Variants in PCDH15 observed in about 807,000 individuals in gnomAD.
PCDH15 encodes protocadherin related 15, also known as protocadherin-15.
In PCDH15, 129 loss-of-function variants were observed where a neutral mutation model predicts 178.5. That is an observed-to-expected ratio of 0.72 (90% CI 0.63 to 0.84). PCDH15 has a LOEUF of 0.84. PCDH15 is among the 40% of genes least tolerant of loss of function. PCDH15 has a pLI of 0.00. For missense variants in PCDH15, 2,230 were observed against 2,099.9 expected (o/e 1.06, Z -1.21); for synonymous variants, 800 against 732.0 (o/e 1.09, Z -1.50).
chr10:55,531,664 C>T (rs1301029434), intron 2 of PCDH15, among the ~76,000 whole-genome samples: 1 of 151,984 alleles, frequency 6.6e-6, no homozygotes, highest in Non-Finnish European at 1.5e-5. Flanking sequence ...GTGGCAGTGA[C>T]TAAAATTATT....
chr10:54,893,754 T>G (rs1024121412), intron 3 of PCDH15, among the ~76,000 whole-genome samples: 2 of 152,116 alleles, frequency 1.3e-5, no homozygotes, highest in Admixed American at 6.6e-5. Context: ...TTCATACTTA[T>G]GACAGATAAA....
At chr10:55,178,139 G>A (rs1839546897) in intron 1 of PCDH15, among the ~76,000 whole-genome samples, 1 of 152,114 alleles carries the variant, frequency 6.6e-6, no homozygotes, top group Non-Finnish European at 1.5e-5. Context: ...ACACCATCAG[G>A]AAATTAACAG....
At chr10:55,471,841 C>G (rs1447318461) in intron 2 of PCDH15, among the ~76,000 whole-genome samples, 2 of 152,150 alleles carry the variant, frequency 1.3e-5, no homozygotes, top group Non-Finnish European at 2.9e-5. Flanking sequence ...CTTTGCCTCT[C>G]CCCTTATATG....
intron 2 of PCDH15, among the ~76,000 whole-genome samples, chr10:55,066,932 A>G (rs918503674): frequency 6.6e-6 from 1 of 152,052 alleles, no homozygotes; most frequent in Non-Finnish European, 1.5e-5. Flanking sequence ...CTAATACACA[A>G]AAATGATAAA....
chr10:54,168,447 G>C (rs1374831260), intron 13 of PCDH15, among the ~76,000 whole-genome samples: 2 of 151,918 alleles, frequency 1.3e-5, no homozygotes, highest in Non-Finnish European at 2.9e-5. Flanking sequence ...TCCTCGCCAG[G>C]CCGAGCTAGG....
chr10:55,233,072 C>CCT (rs34984611), intron 1 of PCDH15, among the ~76,000 whole-genome samples: 1 of 151,654 alleles, frequency 6.6e-6, no homozygotes, highest in Non-Finnish European at 1.5e-5. Flanking sequence ...AATATTGTCT[C>CCT]ATAATTTTCT....
intron 6 of PCDH15, among the ~76,000 whole-genome samples, chr10:54,337,413 AGT>A (rs1941395350): frequency 1.3e-5 from 2 of 152,040 alleles, no homozygotes; most frequent in Non-Finnish European, 2.9e-5. Context: ...ATAATCCCCA[AGT>A]GTTGAGGGAG....
intron 2 of PCDH15, among the ~76,000 whole-genome samples, chr10:55,460,703 G>A (rs1349195896): frequency 6.6e-6 from 1 of 152,036 alleles, no homozygotes; most frequent in Non-Finnish European, 1.5e-5. Flanking sequence ...ACACTACCCT[G>A]AATGCACCCA....
At chr10:55,239,837 A>G (rs1442422007) in intron 1 of PCDH15, among the ~76,000 whole-genome samples, 1 of 152,208 alleles carries the variant, frequency 6.6e-6, no homozygotes, top group African/African-American at 2.4e-5. Context: ...ACTATCTAAT[A>G]GGAAAAAATA....
At chr10:53,828,637 T>C in intron 30 of PCDH15, 64 bp from the exon 31 acceptor site, 1 of 1,250,236 alleles carries the variant, frequency 8.0e-7, no homozygotes, top group South Asian at 1.2e-5. Flanking sequence ...ATTAATAACA[T>C]TTTAACATCT....
At chr10:54,918,849 T>G (rs1837411646) in intron 2 of PCDH15, among the ~76,000 whole-genome samples, 1 of 152,142 alleles carries the variant, frequency 6.6e-6, no homozygotes, top group Non-Finnish European at 1.5e-5. Flanking sequence ...AAGTTAAAAA[T>G]ATCTTAAGTG....
intron 2 of PCDH15, among the ~76,000 whole-genome samples, chr10:55,538,067 C>T (rs942556064): frequency 2.6e-5 from 4 of 152,152 alleles, no homozygotes; most frequent in Non-Finnish European, 5.9e-5. Flanking sequence ...AAATGATAGA[C>T]ATCCAGGATC....
At position 54,867,452 on chromosome 10, in the gene PCDH15, A is replaced by G. The variant is rs540297304; in HGVS notation, c.-29+29998T>C. On this transcript the variant is annotated intron_variant, in intron 3 of 5. Coordinates refer to the PCDH15 transcript ENST00000458638. ...TGTTCTATATTTCACATTATTTTAC[A>G]TTATCTTGACATTATCAACATCATT... is the stretch of plus-strand genomic sequence containing the variant. Among the ~76,000 whole-genome samples the G allele has an allele frequency of 1.2e-4, 18 of 152,246 alleles. No individual in the cohort carries two copies. The South Asian group carries it at 3.7e-3, about 32-fold the overall frequency.
intron 1 of PCDH15, among the ~76,000 whole-genome samples, chr10:54,726,021 G>A (rs532022761): frequency 1.0e-4 from 15 of 148,170 alleles, no homozygotes; most frequent in Non-Finnish European, 1.9e-4. Context: ...AAACCTCAGG[G>A]CATAGCTCTG....
intron 2 of PCDH15, among the ~76,000 whole-genome samples, chr10:55,103,510 T>C (rs1357151174): frequency 1.3e-5 from 2 of 152,196 alleles, no homozygotes; most frequent in Non-Finnish European, 2.9e-5. Flanking sequence ...ATTGGTTTTG[T>C]TGTAAATCCT....
chr10:55,556,435 G>A lies in PCDH15; in HGVS notation c.-156+71190C>T, dbSNP rs541729145. On this transcript the variant is annotated intron_variant, in intron 2 of 5. Transcript: ENST00000613346. Reference sequence around the variant, plus strand: ...CTTATGCCAAATCATGCTGCTAATGGAAGTGGAAAATCCTATTGGTTTCTG... The same window carrying A: ...CTTATGCCAAATCATGCTGCTAATGAAAGTGGAAAATCCTATTGGTTTCTG... Among the ~76,000 whole-genome samples the A allele has an allele frequency of 7.9e-5, 12 of 152,192 alleles. No homozygotes were observed. In the South Asian group the frequency reaches 2.5e-3, roughly 32 times the overall value.
At chr10:54,327,511 C>T (rs773626493) in intron 7 of PCDH15, among the ~76,000 whole-genome samples, 20 of 150,990 alleles carry the variant, frequency 1.3e-4, no homozygotes, top group Non-Finnish European at 2.8e-4. Flanking sequence ...AGCTTCCAAA[C>T]TTAGCTTCAA....
At chr10:54,146,895 C>CATATATATATAGTGTATATATATAGTGT (rs1564529959) in intron 14 of PCDH15, among the ~76,000 whole-genome samples, 2,249 of 43,442 alleles carry the variant, frequency 0.052, 332 homozygotes, top group South Asian at 0.16. Context: ...TGTGTGTATA[C>CATATATATATAGTGTATATATATAGTGT]ATATATATAT....
At chr10:54,243,484 G>A (rs2055616316) in intron 8 of PCDH15, among the ~76,000 whole-genome samples, 1 of 152,128 alleles carries the variant, frequency 6.6e-6, no homozygotes, top group African/African-American at 2.4e-5. Flanking sequence ...TCCAGTCTGG[G>A]CGACAGAGCA....
Sources: allele counts gnomAD v4.1 joint callset (sites outside exome capture counted in the v4.1 genomes callset), GRCh38; gene constraint gnomAD v4.1.1; transcripts MANE v1.5; gene names NCBI Gene and HGNC (gene_info 2026-07-23, HGNC 2026-07-21).